Variants in SEMA3D observed in about 807,000 individuals in gnomAD.
SEMA3D encodes the protein semaphorin-3D.
SEMA3D carries 84 observed loss-of-function variants against 100.1 expected under a neutral mutation model. The ratio of observed to expected loss-of-function variants is 0.84; its 90% confidence interval spans 0.70 to 1.01. The LOEUF is 1.01. Among genes scored for constraint, SEMA3D ranks in the 50% least tolerant of loss-of-function variants. The probability of loss-of-function intolerance (pLI) is 0.00; values close to 1 mark genes in which losing one functional copy is unlikely to be tolerated. For missense variants in SEMA3D, 875 were observed against 934.1 expected, an observed-to-expected ratio of 0.94 and a Z score of 0.82; for synonymous variants, 312 against 320.7, an observed-to-expected ratio of 0.97 and a Z score of 0.29.
At chr7:85,050,630 T>C (rs1791137412) in intron 9 of SEMA3D, 3 of 420,846 alleles carry the variant, frequency 7.1e-6, no homozygotes, top group Non-Finnish European at 8.5e-6. Flanking sequence ...TCTCTCTTCA[T>C]TGATATCTCT....
chr7:85,088,421 T>C (rs150057405), intron 4 of SEMA3D, among the ~76,000 whole-genome samples: 5 of 152,266 alleles, frequency 3.3e-5, no homozygotes, highest in African/African-American at 7.2e-5. Context: ...CAAAAGGAAG[T>C]TGAAACTTAT....
intron 3 of SEMA3D, among the ~76,000 whole-genome samples, chr7:85,108,664 A>G (rs1260003511): frequency 6.6e-6 from 1 of 152,042 alleles, no homozygotes; most frequent in Non-Finnish European, 1.5e-5. Flanking sequence ...GCTTGCCTGC[A>G]TTAAAGAGCT....
At chr7:85,033,295 A>G (rs1275101067) in intron 12 of SEMA3D, among the ~76,000 whole-genome samples, 1 of 152,062 alleles carries the variant, frequency 6.6e-6, no homozygotes, top group Non-Finnish European at 1.5e-5. Context: ...AACACTTCCC[A>G]CTGACATTTT....
chr7:85,211,342 CCT>C, the SEMA3D span, among the ~76,000 whole-genome samples: 1 of 151,934 alleles, frequency 6.6e-6, no homozygotes, highest in Non-Finnish European at 1.5e-5. Flanking sequence ...CCCAGTTTTC[CCT>C]CTCTCTTTCC....
At chr7:85,141,447 T>A (rs893690585) in intron 2 of SEMA3D, 1 of 984,888 alleles carries the variant, frequency 1.0e-6, no homozygotes, top group African/African-American at 1.7e-5. Context: ...AAAAAAAAGA[T>A]TGGTGTCTTG....
the SEMA3D span, among the ~76,000 whole-genome samples, chr7:85,214,729 C>T: frequency 6.6e-6 from 1 of 152,272 alleles, no homozygotes; most frequent in Non-Finnish European, 1.5e-5. Flanking sequence ...CTCCCAACCT[C>T]AGGTGATCCA....
the SEMA3D span, among the ~76,000 whole-genome samples, chr7:85,200,319 CGTT>C: frequency 2.0e-3 from 307 of 152,190 alleles, 1 homozygote; most frequent in African/African-American, 7.2e-3. Context: ...TTGCCCAAAA[CGTT>C]GTTAGGGATA....
rs371016680 is a variant in SEMA3D, at chr7:85,073,886, A to C, written c.376-805T>G. ...AAATTTTTGTTTCTTTCTGTTCTGC[A>C]TATGCTTATGCCTAAAAATATTTCT... On this transcript the variant is annotated intron_variant, in intron 5 of 18. Transcript: ENST00000284136. 2.2e-4 allele frequency among the ~76,000 whole-genome samples: 34 copies of C among 152,286 alleles called. No individual in the cohort carries two copies. The East Asian group carries it at 5.2e-3, about 23-fold the overall frequency.
chr7:85,241,281 A>G, the SEMA3D span, among the ~76,000 whole-genome samples: 1 of 151,764 alleles, frequency 6.6e-6, no homozygotes, highest in Non-Finnish European at 1.5e-5. Flanking sequence ...CTAAAAGTAG[A>G]ACTACCATTT....
chr7:85,222,818 G>A, the SEMA3D span, among the ~76,000 whole-genome samples: 1 of 152,048 alleles, frequency 6.6e-6, no homozygotes, highest in Non-Finnish European at 1.5e-5. Context: ...GTGGAGATGA[G>A]GAAAGGACTT....
intron 3 of SEMA3D, among the ~76,000 whole-genome samples, chr7:85,101,141 G>A (rs1788731177): frequency 6.6e-6 from 1 of 151,890 alleles, no homozygotes; most frequent in South Asian, 2.1e-4. Flanking sequence ...ATAATCTAAA[G>A]CCTTAACAAG....
intron 1 of SEMA3D, among the ~76,000 whole-genome samples, chr7:85,155,599 A>T (rs888974220): frequency 6.6e-6 from 1 of 152,190 alleles, no homozygotes. Flanking sequence ...TTAATTAAAG[A>T]CATTTTGCAA....
the SEMA3D span, among the ~76,000 whole-genome samples, chr7:85,200,548 G>A: frequency 1.3e-5 from 2 of 152,306 alleles, no homozygotes; most frequent in Admixed American, 6.5e-5. Flanking sequence ...AGACTTGGGT[G>A]CTGTTAAAGA....
intron 11 of SEMA3D, among the ~76,000 whole-genome samples, chr7:85,037,702 A>G (rs560963674): frequency 3.3e-5 from 5 of 152,092 alleles, no homozygotes; most frequent in Non-Finnish European, 5.9e-5. Flanking sequence ...ATACTTAATT[A>G]TAATTACACA....
Position 85,074,906 on chromosome 7 carries a change from C to T in SEMA3D, c.376-1825G>A, listed in dbSNP as rs1791880772. Among the ~76,000 whole-genome samples the T allele has an allele frequency of 2.0e-5, 3 of 151,980 alleles. No individual in the cohort carries two copies. In the South Asian group the frequency reaches 6.2e-4, roughly 31 times the overall value. ...AAGTGCTAGGATTACAGGCATGAGC[C>T]ACCATGGCAGGCCGATACTAATAGT... On this transcript the variant is annotated intron_variant, in intron 5 of 18. Transcript: ENST00000284136.
chr7:85,202,219 C>T, the SEMA3D span, among the ~76,000 whole-genome samples: 1 of 109,090 alleles, frequency 9.2e-6, no homozygotes, highest in African/African-American at 3.6e-5. Flanking sequence ...TCCCCCCACC[C>T]CACAACAGTC....
At chr7:85,233,980 C>A in the SEMA3D span, among the ~76,000 whole-genome samples, 1 of 152,116 alleles carries the variant, frequency 6.6e-6, no homozygotes, top group Non-Finnish European at 1.5e-5. Context: ...ATGAAGAAAG[C>A]ATATTAGACA....
At chr7:85,062,765 TG>T (rs1490420924) in intron 8 of SEMA3D, among the ~76,000 whole-genome samples, 3 of 152,134 alleles carry the variant, frequency 2.0e-5, no homozygotes, top group Non-Finnish European at 4.4e-5. Flanking sequence ...AGAATAAAAA[TG>T]GAAGTCATCC....
At chr7:85,210,694 A>T in the SEMA3D span, among the ~76,000 whole-genome samples, 1 of 152,052 alleles carries the variant, frequency 6.6e-6, no homozygotes, top group African/African-American at 2.4e-5. Context: ...CATATTCAGA[A>T]ATGGAAACTG....
Sources: allele counts gnomAD v4.1 joint callset (sites outside exome capture counted in the v4.1 genomes callset), GRCh38; gene constraint gnomAD v4.1.1; transcripts MANE v1.5; gene names NCBI Gene and HGNC (gene_info 2026-07-23, HGNC 2026-07-21).